CADM2: variants seen among roughly 807,000 people sequenced by gnomAD.
CADM2 encodes the protein cell adhesion molecule 2.
CADM2 carries 12 observed loss-of-function variants against 49.8 expected under a neutral mutation model. That is an observed-to-expected ratio of 0.24 (90% CI 0.15 to 0.39). CADM2 has a LOEUF of 0.39. Ranked by LOEUF, CADM2 falls within the 10% of genes least tolerant of loss-of-function variation. The pLI, the probability that CADM2 is intolerant of heterozygous loss-of-function variation, is 1.00. For missense variants in CADM2, 378 were observed against 492.3 expected, an observed-to-expected ratio of 0.77 and a Z score of 2.20; for synonymous variants, 214 against 175.4, an observed-to-expected ratio of 1.22 and a Z score of -1.74.
At chr3:85,441,120 T>C (rs1350287965) in intron 1 of CADM2, among the ~76,000 whole-genome samples, 3 of 152,112 alleles carry the variant, frequency 2.0e-5, no homozygotes, top group Admixed American at 6.6e-5. Flanking sequence ...GTATTTCATG[T>C]ATTTTTCAAT....
At chr3:85,639,815 A>G (rs2064650313) in intron 1 of CADM2, among the ~76,000 whole-genome samples, 1 of 152,164 alleles carries the variant, frequency 6.6e-6, no homozygotes, top group African/African-American at 2.4e-5. Flanking sequence ...TAAAAGGACC[A>G]TAGTATCTTC....
At position 86,043,952 on chromosome 3, in the gene CADM2, A is replaced by C. The variant is rs571236149; in HGVS notation, c.971-21653A>C. ...CTTTGACAAACCTGACGAAAACAAG[A>C]AATGGGGAAACGGTTCCCTATTTAA... On this transcript the variant is annotated intron_variant, in intron 8 of 9. Coordinates refer to ENST00000383699, the MANE Select transcript of CADM2 (RefSeq NM_001167675.2). Among the ~76,000 whole-genome samples, 107 of 152,248 alleles carry C rather than the reference A, an allele frequency of 7.0e-4. 3 individuals carry two copies. The South Asian group carries it at 0.022, about 31-fold the overall frequency.
rs565255872 is a variant in CADM2 at position 85,474,812 on chromosome 3, T to C, written c.62-251710T>C. On this transcript the variant is annotated intron_variant, in intron 1 of 9. Coordinates refer to ENST00000383699, the MANE Select transcript of CADM2 (RefSeq NM_001167675.2). ...TTAAGGATTTAATTTGTGTTATATA[T>C]TATTATCATTGTAAAATGACAGAGC... 9.9e-5 allele frequency among the ~76,000 whole-genome samples: 15 copies of C among 152,022 alleles called. No individual in the cohort carries two copies. The East Asian group carries it at 1.6e-3, about 16-fold the overall frequency.
At chr3:85,728,816 T>C (rs2067813597) in intron 2 of CADM2, among the ~76,000 whole-genome samples, 1 of 152,174 alleles carries the variant, frequency 6.6e-6, no homozygotes. Context: ...GACATCAATT[T>C]CCCAGTAAGA....
At chr3:85,479,017 A>G (rs2039097679) in intron 1 of CADM2, among the ~76,000 whole-genome samples, 1 of 151,806 alleles carries the variant, frequency 6.6e-6, no homozygotes, top group Admixed American at 6.6e-5. Context: ...GATCATAACT[A>G]ACTGAAGCTT....
intron 1 of CADM2, among the ~76,000 whole-genome samples, chr3:85,142,759 A>T (rs1420455296): frequency 1.3e-5 from 2 of 152,186 alleles, no homozygotes; most frequent in African/African-American, 4.8e-5. Context: ...TGAATAGGGC[A>T]TGGCAGAGTC....
Position 85,108,628 on chromosome 3 carries a change from A to T in CADM2, c.61+148960A>T, listed in dbSNP as rs1341351231. On this transcript the variant is annotated intron_variant, in intron 1 of 9. Transcript: ENST00000383699. ...CAACAATATGAATATACTTAATGCC[A>T]CTGAAACATATGCCTAAAAATGGTT... Among the ~76,000 whole-genome samples the T allele has an allele frequency of 2.6e-5, 4 of 152,126 alleles. No individual in the cohort carries two copies. In the East Asian group the frequency reaches 7.7e-4, roughly 29 times the overall value.
At chr3:85,313,325 A>G (rs906928645) in intron 1 of CADM2, among the ~76,000 whole-genome samples, 6 of 152,356 alleles carry the variant, frequency 3.9e-5, no homozygotes, top group South Asian at 4.1e-4. Flanking sequence ...TTTTATCCCA[A>G]TAAATCTCTT....
chr3:85,116,701 G>A (rs1367260224), intron 1 of CADM2, among the ~76,000 whole-genome samples: 5 of 151,800 alleles, frequency 3.3e-5, no homozygotes, highest in South Asian at 2.1e-4. Flanking sequence ...CTTATCAGCC[G>A]TTTAATGTGA....
chr3:85,441,270 C>A (rs2037190343), intron 1 of CADM2, among the ~76,000 whole-genome samples: 1 of 151,726 alleles, frequency 6.6e-6, no homozygotes, highest in Non-Finnish European at 1.5e-5. Context: ...TTCATAATGC[C>A]ACTTAACATG....
Position 85,976,611 on chromosome 3 carries a change from A to G in CADM2, c.970+14964A>G, listed in dbSNP as rs79452427. ...ATGTTTTAAATGTTTTAAAACACAT[A>G]GAACAAAATGAAGCTAGTAGTAGTT... On this transcript the variant is annotated intron_variant, in intron 8 of 9. Coordinates refer to ENST00000383699, the MANE Select transcript of CADM2 (RefSeq NM_001167675.2). 2.6e-4 allele frequency among the ~76,000 whole-genome samples: 40 copies of G among 151,764 alleles called. 1 individual carries two copies. In the East Asian group the frequency reaches 7.8e-3, roughly 30 times the overall value.
chr3:85,484,617 G>A (rs1327115182), intron 1 of CADM2, among the ~76,000 whole-genome samples: 1 of 151,858 alleles, frequency 6.6e-6, no homozygotes, highest in Non-Finnish European at 1.5e-5. Flanking sequence ...ATCCATTCAA[G>A]TCAAATGACT....
At chr3:86,005,273 C>T (rs909647052) in intron 8 of CADM2, among the ~76,000 whole-genome samples, 11 of 152,106 alleles carry the variant, frequency 7.2e-5, no homozygotes, top group South Asian at 2.1e-4. Flanking sequence ...ATTTTGTGGC[C>T]GGGCGTGGTG....
chr3:85,387,704 A>T (rs953951110), intron 1 of CADM2, among the ~76,000 whole-genome samples: 1 of 152,134 alleles, frequency 6.6e-6, no homozygotes, highest in Non-Finnish European at 1.5e-5. Context: ...TATTATTTTG[A>T]AATATATGTA....
intron 8 of CADM2, among the ~76,000 whole-genome samples, chr3:86,049,337 T>C (rs138472931): frequency 0.034 from 5,160 of 151,448 alleles, 178 homozygotes; most frequent in African/African-American, 0.084. Context: ...TGCAGTGGTG[T>C]GATCTTGGCT....
intron 1 of CADM2, among the ~76,000 whole-genome samples, chr3:85,593,645 A>G (rs909391926): frequency 6.6e-6 from 1 of 152,062 alleles, no homozygotes; most frequent in Non-Finnish European, 1.5e-5. Context: ...TGTGATTCAT[A>G]GAATAAAAAA....
chr3:85,160,925 A>G (rs1045329918), intron 1 of CADM2, among the ~76,000 whole-genome samples: 7 of 152,134 alleles, frequency 4.6e-5, no homozygotes, highest in Non-Finnish European at 7.4e-5. Context: ...CTTGCACCCT[A>G]TCTTATCAGC....
intron 1 of CADM2, among the ~76,000 whole-genome samples, chr3:85,215,377 A>G (rs1415620743): frequency 1.3e-5 from 2 of 151,388 alleles, no homozygotes; most frequent in East Asian, 3.9e-4. Context: ...AAAAAAAAAA[A>G]AAAAAGAAAA....
intron 1 of CADM2, among the ~76,000 whole-genome samples, chr3:85,185,716 T>TAACAATG (rs2041045376): frequency 6.6e-6 from 1 of 152,126 alleles, no homozygotes; most frequent in African/African-American, 2.4e-5. Flanking sequence ...ATGGAGCCTC[T>TAACAATG]GAGGATTTGG....
Sources: gnomAD v4.1 joint callset for allele counts (sites outside exome capture counted in the v4.1 genomes callset) on GRCh38, gnomAD v4.1.1 for gene constraint, MANE v1.5 for transcripts, NCBI Gene and HGNC (gene_info 2026-07-23, HGNC 2026-07-21) for gene names.